The following FOCAD variants were observed in gnomAD, a reference collection of about 807,000 sequenced individuals.
FOCAD encodes focadhesin.
A neutral mutation model predicts 225.6 loss-of-function variants in FOCAD; 198 were observed. That is an observed-to-expected ratio of 0.88 (90% CI 0.78 to 0.99). The LOEUF is 0.99. Among genes scored for constraint, FOCAD ranks in the 50% least tolerant of loss-of-function variants. The probability of loss-of-function intolerance (pLI) is 0.00; values close to 1 mark genes in which losing one functional copy is unlikely to be tolerated. For missense variants in FOCAD, 2,713 were observed against 2,123.6 expected, an observed-to-expected ratio of 1.28 and a Z score of -5.46; for synonymous variants, 897 against 755.0, an observed-to-expected ratio of 1.19 and a Z score of -3.08.
intron 42 of FOCAD, 46 bp downstream of exon 42, chr9:20,990,420 T>A (rs1255464132): frequency 6.3e-7 from 1 of 1,599,474 alleles, no homozygotes; most frequent in African/African-American, 1.3e-5. Context: ...AGCCATTGTC[T>A]CTTCAGCAGT....
intron 15 of FOCAD, among the ~76,000 whole-genome samples, chr9:20,827,699 C>T (rs909820052): frequency 2.6e-5 from 4 of 151,702 alleles, no homozygotes; most frequent in Non-Finnish European, 5.9e-5. Context: ...GAAAGAGCTC[C>T]GATACACAGA....
intron 4 of FOCAD, among the ~76,000 whole-genome samples, chr9:20,729,490 C>G (rs1356027714): frequency 6.6e-6 from 1 of 152,052 alleles, no homozygotes; most frequent in Non-Finnish European, 1.5e-5. Flanking sequence ...CTACAAAGAC[C>G]CTATTTCCAT....
intron 28 of FOCAD, among the ~76,000 whole-genome samples, chr9:20,939,022 C>T (rs1197665360): frequency 1.3e-5 from 2 of 150,506 alleles, no homozygotes; most frequent in African/African-American, 2.4e-5. Flanking sequence ...TGGTTGCAGG[C>T]GCCTGTAGTC....
At chr9:20,959,134 C>G (rs1838469037) in intron 35 of FOCAD, among the ~76,000 whole-genome samples, 2 of 152,102 alleles carry the variant, frequency 1.3e-5, no homozygotes, top group African/African-American at 4.8e-5. Context: ...AGTGGGTATA[C>G]TAGTTTACAT....
Position 20,995,546 on chromosome 9 carries a change from G to A in FOCAD, c.5333-10G>A, listed in dbSNP as rs1841998044. 1 of 1,610,778 alleles carries A rather than the reference G, an allele frequency of 6.2e-7. No individual in the cohort carries two copies. The highest frequency in any genetic ancestry group is 8.5e-7 in the Non-Finnish European group (1 of 1,177,276). On this transcript the variant is annotated splice_polypyrimidine_tract_variant and intron_variant, in intron 43 of 43. Coordinates refer to ENST00000338382, the MANE Select transcript of FOCAD (RefSeq NM_001375567.1). ...TCAAATGCAGCCATACCTATATTTT[G>A]TCCCCTTAGCCACCCTGCTGTCCTT...
At chr9:20,774,651 G>A (rs1818578668) in intron 8 of FOCAD, among the ~76,000 whole-genome samples, 1 of 152,022 alleles carries the variant, frequency 6.6e-6, no homozygotes. Context: ...TATCCATATT[G>A]AATTTTAAAT....
intron 27 of FOCAD, among the ~76,000 whole-genome samples, chr9:20,931,468 A>AT (rs1250861356): frequency 6.6e-6 from 1 of 152,140 alleles, no homozygotes; most frequent in East Asian, 1.9e-4. Context: ...ATACTAATAA[A>AT]TTTTTTACCA....
Position 20,823,131 on chromosome 9 carries a change from T to G in FOCAD, c.1920+16T>G. Reference sequence around the variant, plus strand: ...TCAAGCTGAGGTAGGCATTTTTAAATTGCTTTGGATAATTTTGAAGAAAAT... The same window carrying G: ...TCAAGCTGAGGTAGGCATTTTTAAAGTGCTTTGGATAATTTTGAAGAAAAT... On this transcript the variant is annotated intron_variant, in intron 15 of 43. Coordinates refer to ENST00000338382, the MANE Select transcript of FOCAD (RefSeq NM_001375567.1). 6.3e-7 allele frequency: 1 copy of G among 1,599,808 alleles called. No individual in the cohort carries two copies. Among genetic ancestry groups the G allele is most frequent in the Non-Finnish European group, 8.5e-7 (1 of 1,174,468 alleles).
intron 1 of FOCAD, among the ~76,000 whole-genome samples, chr9:20,696,208 C>T (rs546223439): frequency 6.6e-6 from 1 of 152,324 alleles, no homozygotes; most frequent in East Asian, 1.9e-4. Context: ...ATACTTGTAA[C>T]TGCAGGCATG....
At chr9:20,877,131 TATA>T (rs1564101746) in intron 19 of FOCAD, among the ~76,000 whole-genome samples, 2 of 55,606 alleles carry the variant, frequency 3.6e-5, no homozygotes, top group East Asian at 6.6e-4. Flanking sequence ...TAACTTAAAC[TATA>T]GACCGATGTG....
Position 20,717,799 on chromosome 9 carries a change from G to T in FOCAD, c.63G>T (p.Val21=). The change falls in exon 3 of 44, where the codon GTG becomes GTT. Residue 21 remains valine (V), a synonymous_variant. Coordinates refer to ENST00000338382, the MANE Select transcript of FOCAD (RefSeq NM_001375567.1). ...TAATTTTATTTCTTTTTAAGGCTGT[G>T]GGTCATCTTATTGCTGCAGTCCTAA... is the stretch of plus-strand genomic sequence containing the variant. ...FPNSLIQSQA[V]GHLIAAVLKE... 1 of 1,610,944 alleles carries T rather than the reference G, an allele frequency of 6.2e-7. No homozygotes were observed. Among genetic ancestry groups the T allele is most frequent in the Non-Finnish European group, 8.5e-7 (1 of 1,178,508 alleles).
chr9:20,791,883 C>CA (rs1050201980), intron 11 of FOCAD, among the ~76,000 whole-genome samples: 1 of 152,010 alleles, frequency 6.6e-6, no homozygotes, highest in African/African-American at 2.4e-5. Flanking sequence ...GCAAAATAGG[C>CA]AAAAAATGTA....
chr9:20,946,612 G>T, intron 29 of FOCAD, 89 bp from the exon 30 acceptor site: 2 of 1,402,670 alleles, frequency 1.4e-6, no homozygotes, highest in Non-Finnish European at 9.7e-7. Flanking sequence ...TACTCTGGGG[G>T]GGAGTTTGAC....
At chr9:20,854,168 C>A (rs931405691) in intron 15 of FOCAD, among the ~76,000 whole-genome samples, 1 of 151,654 alleles carries the variant, frequency 6.6e-6, no homozygotes, top group African/African-American at 2.4e-5. Context: ...GTAGGCTGTT[C>A]TCAGGAATTT....
At chr9:20,777,714 A>T (rs1022526392) in intron 8 of FOCAD, among the ~76,000 whole-genome samples, 1 of 152,184 alleles carries the variant, frequency 6.6e-6, no homozygotes. Context: ...TAGATGAATC[A>T]TGTCTGTATT....
At chr9:20,790,641 T>C (rs1444648836) in intron 11 of FOCAD, among the ~76,000 whole-genome samples, 1 of 152,112 alleles carries the variant, frequency 6.6e-6, no homozygotes, top group African/African-American at 2.4e-5. Context: ...TGCAGTGACA[T>C]GCACCTGTAA....
In FOCAD at chr9:20,796,267, A is replaced by G. The variant is rs192776358; in HGVS notation, c.1455+6659A>G. Among the ~76,000 whole-genome samples the G allele has an allele frequency of 3.6e-3, 550 of 152,314 alleles. 5 individuals are homozygous for G. Among genetic ancestry groups the G allele is most frequent in the African/African-American group, 0.013 (529 of 41,556 alleles). ...CTTTGCTGTTGTAAATAGTGCCACA[A>G]TAAACATACGTGTGCATGTGTCTTT... On this transcript the variant is annotated intron_variant, in intron 11 of 43. Transcript: ENST00000338382.
chr9:20,857,724 C>G (rs1003094316), intron 15 of FOCAD, among the ~76,000 whole-genome samples: 1 of 144,280 alleles, frequency 6.9e-6, no homozygotes, highest in Non-Finnish European at 1.5e-5. Context: ...GTTGATCTGT[C>G]TTATATGGCT....
chr9:20,876,453 G>C (rs1830231458), intron 19 of FOCAD, among the ~76,000 whole-genome samples: 1 of 152,130 alleles, frequency 6.6e-6, no homozygotes, highest in Non-Finnish European at 1.5e-5. Flanking sequence ...TTGTTGCCAA[G>C]GGGTGCTGTT....
Sources: allele counts gnomAD v4.1 joint callset (sites outside exome capture counted in the v4.1 genomes callset), GRCh38; gene constraint gnomAD v4.1.1; transcripts MANE v1.5; gene names NCBI Gene and HGNC (gene_info 2026-07-23, HGNC 2026-07-21).